Variants in SOCS7 observed in about 807,000 individuals in gnomAD.
SOCS7 encodes the protein NAP-4.
A neutral mutation model predicts 58.9 loss-of-function variants in SOCS7; 18 were observed. That is an observed-to-expected ratio of 0.31 (90% CI 0.21 to 0.45). The LOEUF is 0.45. Among genes scored for constraint, SOCS7 ranks in the 20% least tolerant of loss-of-function variants. SOCS7 has a pLI of 1.00. For synonymous variants in SOCS7, 388 were observed against 364.3 expected (o/e 1.06, Z -0.74); for missense variants, 667 against 837.3 (o/e 0.80, Z 2.51).
intron 7 of SOCS7, among the ~76,000 whole-genome samples, chr17:38,387,121 A>ATGTGTG (rs2038082379): frequency 6.4e-5 from 7 of 109,484 alleles, no homozygotes; most frequent in African/African-American, 3.2e-4. Flanking sequence ...ATATATATAT[A>ATGTGTG]TATATATGTA....
intron 6 of SOCS7, among the ~76,000 whole-genome samples, chr17:38,374,992 T>C (rs1316699049): frequency 6.6e-6 from 1 of 152,136 alleles, no homozygotes; most frequent in Non-Finnish European, 1.5e-5. Context: ...GTGTGGAGGC[T>C]CAAGCCTGTA....
intron 7 of SOCS7, among the ~76,000 whole-genome samples, chr17:38,395,036 C>T (rs1440861530): frequency 3.3e-5 from 5 of 152,050 alleles, no homozygotes; most frequent in Admixed American, 6.6e-5. Flanking sequence ...GGTGACAGAA[C>T]GAGACCCTGT....
In SOCS7 at chr17:38,352,032, C is replaced by T. The variant is rs1451783408; in HGVS notation, c.-21C>T. On this transcript the variant is annotated 5_prime_UTR_variant, in exon 1 of 10. Coordinates refer to ENST00000612932, the MANE Select transcript of SOCS7 (RefSeq NM_014598.4). This position sits in a 1 kb window ranked among gnomAD's most constrained non-coding sequence, Gnocchi z 5.5. ...CACCCCAGCCCGGCTCCCAGCCGCC[C>T]GCCCTCCCTCCCTCTCCCCGATGCA... Among the ~76,000 whole-genome samples, 1 of 151,062 alleles carries T rather than the reference C, an allele frequency of 6.6e-6. No individual in the cohort carries two copies. The highest frequency in any genetic ancestry group is 2.4e-5 in the African/African-American group (1 of 41,310).
intron 7 of SOCS7, among the ~76,000 whole-genome samples, chr17:38,385,456 T>C (rs1008294526): frequency 6.6e-6 from 1 of 151,480 alleles, no homozygotes; most frequent in Non-Finnish European, 1.5e-5. Context: ...TTTTTTTTTT[T>C]TTTTAAATAG....
At chr17:38,366,453 C>T in intron 5 of SOCS7, 36 bp downstream of exon 5, 2 of 1,610,670 alleles carry the variant, frequency 1.2e-6, no homozygotes, top group Non-Finnish European at 1.7e-6. Flanking sequence ...GTCACTTCTC[C>T]TCCCATTAGC....
intron 1 of SOCS7, among the ~76,000 whole-genome samples, chr17:38,359,983 G>T (rs2037694494): frequency 1.3e-5 from 2 of 151,582 alleles, no homozygotes; most frequent in Admixed American, 1.3e-4. Flanking sequence ...TCATCATGTT[G>T]CCCAGGCTGG....
At chr17:38,372,067 G>C (rs921135473) in intron 6 of SOCS7, among the ~76,000 whole-genome samples, 1 of 151,948 alleles carries the variant, frequency 6.6e-6, no homozygotes, top group African/African-American at 2.4e-5. Flanking sequence ...GTTGACCCTT[G>C]AACAACCTGG....
At chr17:38,373,491 G>A (rs1324064931) in intron 6 of SOCS7, among the ~76,000 whole-genome samples, 1 of 152,226 alleles carries the variant, frequency 6.6e-6, no homozygotes, top group East Asian at 1.9e-4. Flanking sequence ...AGGCAGGAAG[G>A]GGTAGGCTGA....
At chr17:38,381,403 C>T (rs2037998436) in intron 7 of SOCS7, among the ~76,000 whole-genome samples, 1 of 152,116 alleles carries the variant, frequency 6.6e-6, no homozygotes, top group South Asian at 2.1e-4. Flanking sequence ...CTCTGTCAGT[C>T]TGCGTCAGGG....
At chr17:38,370,349 C>CT (rs1172361624) in intron 6 of SOCS7, among the ~76,000 whole-genome samples, 1 of 151,778 alleles carries the variant, frequency 6.6e-6, no homozygotes, top group East Asian at 1.9e-4. Flanking sequence ...AGTAGAATTT[C>CT]TTTTTTTTGA....
Position 38,352,138 on chromosome 17 carries a change from A to G in SOCS7, c.86A>G (p.Glu29Gly). ...CTGAGCCGCCTCCTTGGCTATGGAGAGGCGGCCCCCGAGCCAGGCCCTCCG... is the reference window on the plus strand; with the variant it reads ...CTGAGCCGCCTCCTTGGCTATGGAGGGGCGGCCCCCGAGCCAGGCCCTCCG... ...RVLSRLLGYG[E>G]AAPEPGPPPP... is the part of the protein sequence containing the mutation. Residue 29 changes from glutamate to glycine, a missense_variant, in exon 1 of 10, where the codon GAG becomes GGG. Glu to Gly is a moderately conservative substitution (Grantham distance 98). Transcript: ENST00000612932. The surrounding 1 kb of genome is among the most constrained non-coding windows in gnomAD (Gnocchi z 5.5). The G allele has an allele frequency of 4.7e-6, 5 of 1,064,926 alleles. No individual in the cohort carries two copies. Among genetic ancestry groups the G allele is most frequent in the Non-Finnish European group, 5.9e-6 (5 of 843,996 alleles). 66.0% of individuals were successfully genotyped at this position (1,064,926 alleles called of 1,614,324 possible). A position where few individuals can be genotyped will look rare whatever the true frequency, so the allele number is the denominator to read the frequency against.
chr17:38,380,916 C>T (rs541404917), intron 7 of SOCS7, among the ~76,000 whole-genome samples: 11 of 152,120 alleles, frequency 7.2e-5, no homozygotes, highest in Non-Finnish European at 1.6e-4. Flanking sequence ...CTTCATTTTG[C>T]CAGTGAGGAA....
chr17:38,352,156 G>A lies in SOCS7; in HGVS notation c.104G>A (p.Gly35Asp), dbSNP rs2037561525. 8 of 1,207,660 alleles carry A rather than the reference G, an allele frequency of 6.6e-6. No homozygotes were observed. The South Asian group carries it at 2.7e-4, about 41-fold the overall frequency. 74.8% of individuals were successfully genotyped at this position (1,207,660 alleles called of 1,614,324 possible). A position where few individuals can be genotyped will look rare whatever the true frequency, so the allele number is the denominator to read the frequency against. ...LGYGEAAPEP[G>D]PPPPPPGHGP... ...TATGGAGAGGCGGCCCCCGAGCCAG[G>A]CCCTCCGCCACCGCCCCCGGGCCAT... The change falls in exon 1 of 10, where the codon GGC becomes GAC. Residue 35 changes from glycine to aspartate, a missense_variant. Around this residue, in one of 9 missense-constraint regions of SOCS7, gnomAD observed 65 missense variants for 51.0 expected, o/e 1.27. Transcript: ENST00000612932. This position sits in a 1 kb window ranked among gnomAD's most constrained non-coding sequence, Gnocchi z 5.5.
At chr17:38,355,453 G>A (rs1184450993) in intron 1 of SOCS7, among the ~76,000 whole-genome samples, 1 of 152,202 alleles carries the variant, frequency 6.6e-6, no homozygotes, top group Non-Finnish European at 1.5e-5. Context: ...TCGCAGCTGT[G>A]AGAAACTTGG....
At chr17:38,370,979 C>T (rs919991086) in intron 6 of SOCS7, among the ~76,000 whole-genome samples, 4 of 152,124 alleles carry the variant, frequency 2.6e-5, no homozygotes, top group Non-Finnish European at 5.9e-5. Context: ...GGAAACCTTG[C>T]GGGCCTTTCC....
chr17:38,372,141 T>G (rs898575891), intron 6 of SOCS7, among the ~76,000 whole-genome samples: 2 of 152,158 alleles, frequency 1.3e-5, no homozygotes, highest in Non-Finnish European at 1.5e-5. Flanking sequence ...GAAAATTTTT[T>G]GGAGATTTGT....
chr17:38,393,545 G>A (rs985395491), intron 7 of SOCS7, among the ~76,000 whole-genome samples: 5 of 152,110 alleles, frequency 3.3e-5, no homozygotes, highest in African/African-American at 9.7e-5. Flanking sequence ...GCTAAGGCAG[G>A]AGAATCGCTT....
chr17:38,355,174 C>T (rs1409863882), intron 1 of SOCS7, among the ~76,000 whole-genome samples: 2 of 152,152 alleles, frequency 1.3e-5, no homozygotes, highest in Non-Finnish European at 2.9e-5. Context: ...GTCTAGATTC[C>T]GTGTAAACTC....
chr17:38,393,391 C>A (rs1458781450), intron 7 of SOCS7, among the ~76,000 whole-genome samples: 1 of 152,152 alleles, frequency 6.6e-6, no homozygotes, highest in Non-Finnish European at 1.5e-5. Context: ...AATCCCAGCA[C>A]TTTGGGAGGC....
Sources: gnomAD v4.1 joint callset for allele counts (sites outside exome capture counted in the v4.1 genomes callset) on GRCh38, gnomAD v4.1.1 for gene constraint, gnomAD v4.1.1 regional missense constraint, Gnocchi (gnomAD v3.1) non-coding constraint, MANE v1.5 for transcripts, NCBI Gene and HGNC (gene_info 2026-07-23, HGNC 2026-07-21) for gene names.